The following CELF5 variants were observed in gnomAD, a reference collection of about 807,000 sequenced individuals.
CELF5 encodes the protein CUGBP Elav-like family member 5.
CELF5 carries 6 observed loss-of-function variants against 54.9 expected under a neutral mutation model. The ratio of observed to expected loss-of-function variants is 0.11; its 90% CI spans 0.06 to 0.22. CELF5 has a LOEUF of 0.22. CELF5 is among the 10% of genes least tolerant of loss of function. The probability of loss-of-function intolerance (pLI) is 1.00; values close to 1 mark genes in which losing one functional copy is unlikely to be tolerated. For synonymous variants in CELF5, 271 were observed against 290.9 expected (o/e 0.93, Z 0.70); for missense variants, 401 against 678.6 (o/e 0.59, Z 4.54).
intron 10 of CELF5, 68 bp from the exon 11 acceptor site, chr19:3,290,163 G>A: frequency 7.8e-7 from 1 of 1,285,762 alleles, no homozygotes; most frequent in Non-Finnish European, 1.1e-6. Flanking sequence ...CCAGACCTGT[G>A]CCCCTCCCCC....
At position 3,290,289 on chromosome 19, in the gene CELF5, G is replaced by A; in HGVS notation, c.1245G>A (p.Glu415=). The change falls in exon 11 of 13, where the codon GAG becomes GAA. Residue 415 remains glutamate (E), a synonymous_variant. Transcript: ENST00000292672. The part of the protein sequence containing the change: ...YHLPQEFGDT[E]LTQMFLPFGN... ...TCCCCCAGGAGTTTGGAGACACGGA[G>A]CTGACGCAGATGTTCCTACCCTTCG... 1 of 1,613,986 alleles carries A rather than the reference G, an allele frequency of 6.2e-7. No individual in the cohort carries two copies. Among genetic ancestry groups the A allele is most frequent in the South Asian group, 1.1e-5 (1 of 91,080 alleles).
intron 1 of CELF5, among the ~76,000 whole-genome samples, chr19:3,246,712 CA>C (rs373172540): frequency 2.6e-5 from 4 of 151,966 alleles, no homozygotes; most frequent in African/African-American, 9.6e-5. Flanking sequence ...GACCCTGTCT[CA>C]AAAAAACAAA....
chr19:3,232,041 G>A (rs1303697135), intron 1 of CELF5, among the ~76,000 whole-genome samples: 1 of 151,804 alleles, frequency 6.6e-6, no homozygotes, highest in East Asian at 1.9e-4. Context: ...AAGGATGGAA[G>A]GATGCTTCCT....
At chr19:3,256,064 C>CAGGAAAAAAAAAAAAAAAA (rs372488135) in intron 2 of CELF5, among the ~76,000 whole-genome samples, 4 of 139,560 alleles carry the variant, frequency 2.9e-5, no homozygotes, top group African/African-American at 1.1e-4. Flanking sequence ...GACCCTGTCT[C>CAGGAAAAAAAAAAAAAAAA]AAAAAAAAAG....
rs117395381 is a variant in CELF5 at position 3,254,081 on chromosome 19, G to A, written c.342+3014G>A. On this transcript the variant is annotated intron_variant, in intron 2 of 12. Coordinates refer to ENST00000292672, the MANE Select transcript of CELF5 (RefSeq NM_021938.4). ...GAGGGAAGATGGAAGAGGGTGGAAG[G>A]ACCAAGAGCCACGAAACCTCATGCC... 7.5e-3 allele frequency among the ~76,000 whole-genome samples: 1,135 copies of A among 152,204 alleles called. 15 individuals are homozygous for A. The highest frequency in any genetic ancestry group is 9.4e-3 in the Non-Finnish European group (641 of 68,012).
intron 8 of CELF5, among the ~76,000 whole-genome samples, chr19:3,283,500 G>A (rs879602351): frequency 6.6e-5 from 10 of 152,004 alleles, no homozygotes; most frequent in Non-Finnish European, 1.3e-4. Flanking sequence ...ACAAGCATGT[G>A]CCATCACGCC....
chr19:3,281,193 C>T lies in CELF5; in HGVS notation c.604-6C>T, dbSNP rs1331909275. 6.2e-7 allele frequency: 1 copy of T among 1,603,168 alleles called. No individual in the cohort carries two copies. The highest frequency in any genetic ancestry group is 2.2e-5 in the East Asian group (1 of 44,734). ...TTTCCCTCCCTGCTCGCCGCTGCCCCTGCAGGGAGCCTCCTCCAGCCTGGT... is the reference window on the plus strand; with the variant it reads ...TTTCCCTCCCTGCTCGCCGCTGCCCTTGCAGGGAGCCTCCTCCAGCCTGGT... On this transcript the variant is annotated splice_region_variant and splice_polypyrimidine_tract_variant and intron_variant, in intron 5 of 12. Transcript: ENST00000292672. This position sits in a 1 kb window ranked among gnomAD's most constrained non-coding sequence, Gnocchi z 6.5.
At chr19:3,239,269 GT>G (rs1027454834) in intron 1 of CELF5, among the ~76,000 whole-genome samples, 9 of 146,798 alleles carry the variant, frequency 6.1e-5, no homozygotes, top group African/African-American at 7.5e-5. Flanking sequence ...CCAGCTGTTT[GT>G]TTTTTTTTTA....
chr19:3,235,817 T>TGTGGATGG (rs1234723482), intron 1 of CELF5, among the ~76,000 whole-genome samples: 1 of 125,408 alleles, frequency 8.0e-6, no homozygotes, highest in Non-Finnish European at 1.7e-5. Flanking sequence ...TGGATGGATG[T>TGTGGATGG]GTGGATGGAT....
At chr19:3,284,780 G>A in intron 8 of CELF5, 122 bp from the exon 9 acceptor site, 1 of 849,052 alleles carries the variant, frequency 1.2e-6, no homozygotes, top group South Asian at 1.5e-5. Flanking sequence ...CCTACAGAGG[G>A]TTTAGCACAG....
intron 2 of CELF5, among the ~76,000 whole-genome samples, chr19:3,270,146 A>AC (rs1223715729): frequency 6.7e-6 from 1 of 150,000 alleles, no homozygotes; most frequent in Non-Finnish European, 1.5e-5. Context: ...TCCAACCCTG[A>AC]CCCCATGGGA....
rs2079908117 is a variant in CELF5 at position 3,268,097 on chromosome 19, CA to C, written c.343-5773del. ...CACTGCAACCTCGGCCTCCTGGGTT[CA>C]AGCAATTCTTCTGCCTCAGCCTCCC... On this transcript the variant is annotated intron_variant, in intron 2 of 12. Coordinates refer to ENST00000292672, the MANE Select transcript of CELF5 (RefSeq NM_021938.4). The surrounding 1 kb of genome is among the most constrained non-coding windows in gnomAD (Gnocchi z 4.4). Among the ~76,000 whole-genome samples, 1 of 152,152 alleles carries C rather than the reference CA, an allele frequency of 6.6e-6. No homozygotes were observed. Among genetic ancestry groups the C allele is most frequent in the Admixed American group, 6.5e-5 (1 of 15,282 alleles).
intron 1 of CELF5, among the ~76,000 whole-genome samples, chr19:3,242,909 A>T (rs552857867): frequency 1.3e-5 from 2 of 152,234 alleles, no homozygotes; most frequent in Middle Eastern, 3.4e-3. Flanking sequence ...GGTTGCAGTG[A>T]GGTGAGATGG....
chr19:3,238,329 C>T (rs563891203), intron 1 of CELF5, among the ~76,000 whole-genome samples: 41 of 148,464 alleles, frequency 2.8e-4, no homozygotes, highest in Non-Finnish European at 5.2e-4. Context: ...CCTGAGATCC[C>T]GCAGGGCCCA....
intron 1 of CELF5, among the ~76,000 whole-genome samples, chr19:3,250,358 G>C (rs185445081): frequency 1.3e-5 from 2 of 152,034 alleles, no homozygotes; most frequent in Admixed American, 6.6e-5. Flanking sequence ...GCATGGTGGC[G>C]GGCGCCTGTA....
intron 1 of CELF5, among the ~76,000 whole-genome samples, chr19:3,227,224 T>A (rs1021730129): frequency 1.3e-5 from 2 of 152,150 alleles, no homozygotes; most frequent in African/African-American, 4.8e-5. Flanking sequence ...GTCTTCAGAA[T>A]CAGCATCTGT....
Position 3,281,816 on chromosome 19 carries a change from A to G in CELF5, c.751-310A>G, listed in dbSNP as rs973648557. Among the ~76,000 whole-genome samples, 7 of 150,718 alleles carry G rather than the reference A, an allele frequency of 4.6e-5. No homozygotes were observed. Among genetic ancestry groups the G allele is most frequent in the African/African-American group, 1.7e-4 (7 of 40,926 alleles). On this transcript the variant is annotated intron_variant, in intron 6 of 12. Transcript: ENST00000292672. This position sits in a 1 kb window ranked among gnomAD's most constrained non-coding sequence, Gnocchi z 6.5. ...CTTCCTAACCGAGCCTTGATCCTAG[A>G]TTGAGCCTTAGTCCCAGGCTGAGCC...
intron 10 of CELF5, among the ~76,000 whole-genome samples, chr19:3,287,049 A>AAAAAG (rs1555727300): frequency 2.4e-4 from 27 of 113,722 alleles, no homozygotes; most frequent in African/African-American, 6.9e-4. Context: ...AAAAAAAAAA[A>AAAAAG]AAAAGAAAAG....
intron 9 of CELF5, 23 bp downstream of exon 9, chr19:3,284,987 G>C: frequency 6.3e-7 from 1 of 1,590,802 alleles, no homozygotes; most frequent in Non-Finnish European, 8.6e-7. Context: ...CCGCGTGCCC[G>C]CGCTGGGCCC....
Sources: gnomAD v4.1 joint callset for allele counts (sites outside exome capture counted in the v4.1 genomes callset) on GRCh38, gnomAD v4.1.1 for gene constraint, Gnocchi (gnomAD v3.1) non-coding constraint, MANE v1.5 for transcripts, NCBI Gene and HGNC (gene_info 2026-07-23, HGNC 2026-07-21) for gene names.